The following TNFRSF11A variants were observed in gnomAD, a reference collection of about 807,000 sequenced individuals.
The protein encoded by TNFRSF11A is tumor necrosis factor receptor superfamily member 11A.
TNFRSF11A carries 32 observed loss-of-function variants against 55.7 expected under a neutral mutation model. The observed-to-expected ratio is 0.57, with a 90% CI of 0.43 to 0.77. The LOEUF is 0.77. TNFRSF11A is among the 30% of genes least tolerant of loss of function. The pLI, the probability that TNFRSF11A is intolerant of heterozygous loss-of-function variation, is 0.00. For missense variants in TNFRSF11A, 753 were observed against 809.8 expected (o/e 0.93, Z 0.85); for synonymous variants, 311 against 331.0 (o/e 0.94, Z 0.65).
At chr18:62,334,573 A>G (rs917406297) in intron 1 of TNFRSF11A, among the ~76,000 whole-genome samples, 2 of 152,138 alleles carry the variant, frequency 1.3e-5, no homozygotes, top group East Asian at 1.9e-4. Flanking sequence ...AGGTAGTTAT[A>G]TTTTTAAAGG....
At chr18:62,372,504 A>T (rs1910622075) in intron 9 of TNFRSF11A, among the ~76,000 whole-genome samples, 1 of 150,292 alleles carries the variant, frequency 6.7e-6, no homozygotes. Context: ...TTTAAAAATC[A>T]TTTTGCTTTT....
intron 4 of TNFRSF11A, among the ~76,000 whole-genome samples, chr18:62,355,085 C>T (rs12454677): frequency 0.11 from 16,501 of 152,120 alleles, 1,140 homozygotes; most frequent in East Asian, 0.3. Context: ...TTTTTAAATG[C>T]GCCAATTGTA....
rs1312478242 is a variant in TNFRSF11A at position 62,341,159 on chromosome 18, T to C, written c.76-7009T>C. 3.9e-5 allele frequency among the ~76,000 whole-genome samples: 6 copies of C among 152,320 alleles called. No homozygotes were observed. The East Asian group carries it at 9.6e-4, about 24-fold the overall frequency. ...TTATCAGCAGACGGACTGAGTAAAC[T>C]GTGTCTGCCTTCACCCAAGTGTGGC... On this transcript the variant is annotated intron_variant, in intron 1 of 9. Coordinates refer to ENST00000586569, the MANE Select transcript of TNFRSF11A (RefSeq NM_003839.4).
intron 9 of TNFRSF11A, among the ~76,000 whole-genome samples, chr18:62,379,496 A>T (rs1350933690): frequency 6.6e-6 from 1 of 152,226 alleles, no homozygotes; most frequent in Non-Finnish European, 1.5e-5. Context: ...TATTTCTATG[A>T]AAACTACTGA....
rs1431512214 is a variant in TNFRSF11A, at chr18:62,382,992, G to A, written c.1568-1759G>A. Among the ~76,000 whole-genome samples the A allele has an allele frequency of 4.9e-4, 74 of 152,260 alleles. 2 individuals carry two copies. The highest frequency in any genetic ancestry group is 2.9e-5 in the Non-Finnish European group (2 of 68,026). On this transcript the variant is annotated intron_variant, in intron 9 of 9. Transcript: ENST00000586569. The stretch of plus-strand genomic sequence containing the variant: ...ACTTGGTAAGTGGTGGGAGCAGAAG[G>A]GCGTAGATACAGTGGTGAGCAGACC...
intron 1 of TNFRSF11A, among the ~76,000 whole-genome samples, chr18:62,327,527 T>C (rs934498102): frequency 1.3e-5 from 2 of 152,208 alleles, no homozygotes; most frequent in Non-Finnish European, 2.9e-5. Flanking sequence ...TTCCTAGAGA[T>C]ACTGTGGTTA....
At chr18:62,340,686 C>A (rs1056659178) in intron 1 of TNFRSF11A, among the ~76,000 whole-genome samples, 1 of 152,008 alleles carries the variant, frequency 6.6e-6, no homozygotes, top group Non-Finnish European at 1.5e-5. Flanking sequence ...ATATTTTAAA[C>A]ACTCAGGGCA....
rs2145413830 is a variant in TNFRSF11A at position 62,387,926 on chromosome 18, G to T, written c.*2892G>T. On this transcript the variant is annotated 3_prime_UTR_variant, in exon 10 of 10. Transcript: ENST00000586569. ...AGGACAGTAGTTAGAGATCAAACTG[G>T]GCAATGGAGTGAGACCTCGTCTCTA... 1 of 152,296 alleles carries T rather than the reference G, an allele frequency of 6.6e-6. No individual in the cohort carries two copies. Among genetic ancestry groups the T allele is most frequent in the Middle Eastern group, 3.4e-3 (1 of 294 alleles). The allele number at this position is 152,296 out of a possible 1,614,324, so 9.4% of individuals were successfully genotyped here.
chr18:62,351,002 C>CTTTTTTTTTT (rs71160826), intron 3 of TNFRSF11A, among the ~76,000 whole-genome samples: 7 of 122,678 alleles, frequency 5.7e-5, no homozygotes, highest in Non-Finnish European at 8.5e-5. Context: ...TTTTTTCTTT[C>CTTTTTTTTTT]TTTTTTTTTT....
At chr18:62,375,687 G>A (rs531285519) in intron 9 of TNFRSF11A, among the ~76,000 whole-genome samples, 12 of 152,150 alleles carry the variant, frequency 7.9e-5, no homozygotes, top group Admixed American at 7.9e-4. Context: ...GCTAGTAAGC[G>A]ACAAAGCCAT....
At chr18:62,349,987 C>G in intron 3 of TNFRSF11A, 50 bp downstream of exon 3, 1 of 1,609,086 alleles carries the variant, frequency 6.2e-7, no homozygotes, top group Non-Finnish European at 8.5e-7. Flanking sequence ...AACCTCAGAC[C>G]TCTTTTTCTA....
intron 9 of TNFRSF11A, 61 bp from the exon 10 acceptor site, chr18:62,384,690 G>T (rs1247655193): frequency 5.7e-6 from 9 of 1,579,196 alleles, no homozygotes; most frequent in Non-Finnish European, 7.8e-6. Flanking sequence ...CTTCCTCTCG[G>T]CAGACCCTGC....
chr18:62,376,349 A>G (rs1910898272), intron 9 of TNFRSF11A, among the ~76,000 whole-genome samples: 1 of 142,500 alleles, frequency 7.0e-6, no homozygotes, highest in South Asian at 2.2e-4. Flanking sequence ...GAAGGGGAAC[A>G]CTGTCAGAAA....
intron 5 of TNFRSF11A, among the ~76,000 whole-genome samples, chr18:62,359,292 T>G (rs1444140199): frequency 6.6e-6 from 1 of 152,222 alleles, no homozygotes; most frequent in Non-Finnish European, 1.5e-5. Context: ...TTATCCAAAT[T>G]TTATGTTCAA....
intron 9 of TNFRSF11A, among the ~76,000 whole-genome samples, chr18:62,376,180 G>A (rs1357829840): frequency 6.6e-6 from 1 of 152,040 alleles, no homozygotes; most frequent in Non-Finnish European, 1.5e-5. Context: ...GTTATGGTGA[G>A]ACCCCTCTCT....
chr18:62,345,305 A>G (rs1296510646), intron 1 of TNFRSF11A, among the ~76,000 whole-genome samples: 2 of 152,248 alleles, frequency 1.3e-5, no homozygotes, highest in African/African-American at 4.8e-5. Context: ...GCATGCACCA[A>G]CAACCTAAAG....
At chr18:62,377,000 C>T (rs575451916) in intron 9 of TNFRSF11A, among the ~76,000 whole-genome samples, 2 of 152,092 alleles carry the variant, frequency 1.3e-5, no homozygotes, top group Admixed American at 6.5e-5. Flanking sequence ...CTGCAGGCCC[C>T]GCCTCCGGGT....
At chr18:62,378,774 G>A (rs74561229) in intron 9 of TNFRSF11A, among the ~76,000 whole-genome samples, 2,886 of 152,286 alleles carry the variant, frequency 0.019, 78 homozygotes, top group African/African-American at 0.066. Flanking sequence ...GATACAGATT[G>A]GGAGAGTTAG....
chr18:62,370,675 A>G (rs1910484435), intron 9 of TNFRSF11A, among the ~76,000 whole-genome samples: 2 of 152,162 alleles, frequency 1.3e-5, no homozygotes, highest in Non-Finnish European at 2.9e-5. Flanking sequence ...GTCAAACAGA[A>G]AGGAGGAGAT....
Sources: allele counts gnomAD v4.1 joint callset (sites outside exome capture counted in the v4.1 genomes callset), GRCh38; gene constraint gnomAD v4.1.1; transcripts MANE v1.5; gene names NCBI Gene and HGNC (gene_info 2026-07-23, HGNC 2026-07-21).